ADGRB3: variants seen among roughly 807,000 people sequenced by gnomAD.
ADGRB3 encodes brain-specific angiogenesis inhibitor 3.
ADGRB3 carries 37 observed loss-of-function variants against 193.4 expected under a neutral mutation model. That is an observed-to-expected ratio of 0.19 (90% CI 0.15 to 0.25). The LOEUF (loss-of-function observed/expected upper bound fraction) is 0.25. ADGRB3 is among the 10% of genes least tolerant of loss of function. ADGRB3 has a pLI of 1.00. For synonymous variants in ADGRB3, 690 were observed against 644.2 expected (o/e 1.07, Z -1.08); for missense variants, 1,637 against 1,852.9 (o/e 0.88, Z 2.14).
chr6:69,242,660 G>T (rs947696225), intron 20 of ADGRB3, among the ~76,000 whole-genome samples: 5 of 151,900 alleles, frequency 3.3e-5, no homozygotes, highest in Non-Finnish European at 5.9e-5. Context: ...CAAATTTTTT[G>T]ACTGTATATT....
intron 17 of ADGRB3, among the ~76,000 whole-genome samples, chr6:69,086,607 A>T (rs565318914): frequency 2.0e-5 from 3 of 152,108 alleles, no homozygotes; most frequent in South Asian, 2.1e-4. Context: ...TTAGTGCCAA[A>T]TTTTTTTTGG....
intron 17 of ADGRB3, among the ~76,000 whole-genome samples, chr6:69,145,500 C>A (rs1254643834): frequency 6.6e-6 from 1 of 152,142 alleles, no homozygotes; most frequent in Non-Finnish European, 1.5e-5. Flanking sequence ...CTCTTCTCTC[C>A]TTTTCATTGC....
chr6:68,639,064 T>G lies in ADGRB3; in HGVS notation c.389T>G (p.Ile130Arg), dbSNP rs770693543. 6.2e-7 allele frequency: 1 copy of G among 1,613,940 alleles called. No homozygotes were observed. The highest frequency in any genetic ancestry group is 1.1e-5 in the South Asian group (1 of 91,054). ...FLQYDKNFIQ[I>R]RRVFPTNFPG... ...CAGTATGATAAAAATTTTATTCAAA[T>G]ACGTCGAGTATTTCCAACTAATTTC... Residue 130 changes from isoleucine to arginine, a missense_variant, in exon 3 of 32, where the codon ATA becomes AGA. Coordinates refer to ENST00000370598, the MANE Select transcript of ADGRB3 (RefSeq NM_001704.3).
chr6:69,191,236 T>G (rs1207213907), intron 17 of ADGRB3, among the ~76,000 whole-genome samples: 1 of 152,196 alleles, frequency 6.6e-6, no homozygotes, highest in Non-Finnish European at 1.5e-5. Flanking sequence ...TGGTTTTTTT[T>G]TCCATAACAG....
In ADGRB3 at chr6:68,993,865, T is replaced by G. The variant is rs1769309079; in HGVS notation, c.1832T>G (p.Phe611Cys). 1.2e-6 allele frequency: 2 copies of G among 1,613,870 alleles called. No individual in the cohort carries two copies. The highest frequency in any genetic ancestry group is 1.7e-6 in the Non-Finnish European group (2 of 1,179,904). The change falls in exon 11 of 32, where the codon TTC becomes TGC. Residue 611 changes from phenylalanine to cysteine, a missense_variant. Physicochemically the swap from Phe to Cys is radical, Grantham distance 205. Transcript: ENST00000370598. ...TTGGATTTAACTCAGAGAAAAAATT[T>G]CTATGCAGGCGATCTTCTGATGTCT... ...TLLDLTQRKN[F>C]YAGDLLMSVE...
intron 17 of ADGRB3, among the ~76,000 whole-genome samples, chr6:69,108,291 A>T (rs2150324511): frequency 6.6e-6 from 1 of 152,266 alleles, no homozygotes; most frequent in East Asian, 1.9e-4. Context: ...CTAAGTTTTC[A>T]GATCAACATG....
At chr6:69,091,273 G>A (rs183484185) in intron 17 of ADGRB3, among the ~76,000 whole-genome samples, 15 of 152,232 alleles carry the variant, frequency 9.9e-5, no homozygotes, top group Admixed American at 3.3e-4. Context: ...ATTTGACTCA[G>A]CAATTCTATT....
intron 17 of ADGRB3, among the ~76,000 whole-genome samples, chr6:69,097,696 ATG>A (rs140955477): frequency 4.4e-4 from 66 of 150,648 alleles, no homozygotes; most frequent in Non-Finnish European, 1.8e-4. Context: ...GTGTGTATAT[ATG>A]TGTGTGTGTG....
In ADGRB3 at chr6:68,880,255, T is replaced by C. The variant is rs553499494; in HGVS notation, c.758-50304T>C. 5.3e-4 allele frequency among the ~76,000 whole-genome samples: 80 copies of C among 152,308 alleles called. 1 individual carries two copies. The highest frequency in any genetic ancestry group is 1.7e-3 in the African/African-American group (72 of 41,564). ...ATCAGAATTACAGTCTGCCTCCATC[T>C]GCTAGTAATTCCTGCAGTTAAAGCC... On this transcript the variant is annotated intron_variant, in intron 3 of 31. Coordinates refer to ENST00000370598, the MANE Select transcript of ADGRB3 (RefSeq NM_001704.3).
chr6:69,207,245 A>T (rs1366856441), intron 17 of ADGRB3, among the ~76,000 whole-genome samples: 1 of 152,102 alleles, frequency 6.6e-6, no homozygotes, highest in Non-Finnish European at 1.5e-5. Flanking sequence ...GAAGCAAAAA[A>T]ATTTGCTAGT....
At chr6:69,155,793 T>G (rs78928761) in intron 17 of ADGRB3, among the ~76,000 whole-genome samples, 4,547 of 152,292 alleles carry the variant, frequency 0.03, 91 homozygotes, top group Middle Eastern at 0.058. Flanking sequence ...GATAGTAGTT[T>G]GACAAAATGG....
rs529622497 is a variant in ADGRB3 at position 69,149,130 on chromosome 6, C to T, written c.2480+73092C>T. 4.5e-4 allele frequency among the ~76,000 whole-genome samples: 68 copies of T among 152,210 alleles called. 1 individual carries two copies. The highest frequency in any genetic ancestry group is 7.9e-4 in the Non-Finnish European group (54 of 68,010). On this transcript the variant is annotated intron_variant, in intron 17 of 31. Transcript: ENST00000370598. ...ATTATCCTTTTGAATAAACTTTCTACACCATCTCTCTACTTCCCCTTTAAG... is the reference window on the plus strand; with the variant it reads ...ATTATCCTTTTGAATAAACTTTCTATACCATCTCTCTACTTCCCCTTTAAG...
intron 17 of ADGRB3, among the ~76,000 whole-genome samples, chr6:69,152,099 A>G (rs1055527282): frequency 6.6e-6 from 1 of 152,206 alleles, no homozygotes; most frequent in African/African-American, 2.4e-5. Context: ...TTTATAAATT[A>G]CCCAGTCTTA....
chr6:69,267,868 G>A lies in ADGRB3; in HGVS notation c.2814+28642G>A, dbSNP rs117254356. On this transcript the variant is annotated intron_variant, in intron 20 of 31. Coordinates refer to ENST00000370598, the MANE Select transcript of ADGRB3 (RefSeq NM_001704.3). ...GGGAAAAGCTGTCTACAGAGCAAAA[G>A]CATCAGATTTCCCTCCCGGTTTCCA... Among the ~76,000 whole-genome samples, 69 of 152,202 alleles carry A rather than the reference G, an allele frequency of 4.5e-4. 1 individual carries two copies. In the East Asian group the frequency reaches 0.01, roughly 23 times the overall value.
chr6:68,915,363 A>C (rs1766849152), intron 3 of ADGRB3, among the ~76,000 whole-genome samples: 1 of 152,230 alleles, frequency 6.6e-6, no homozygotes, highest in East Asian at 1.9e-4. Flanking sequence ...GGATGGGCTG[A>C]TATTAATAGA....
intron 12 of ADGRB3, among the ~76,000 whole-genome samples, chr6:69,017,610 C>A (rs1770132877): frequency 6.6e-6 from 1 of 151,848 alleles, no homozygotes; most frequent in African/African-American, 2.4e-5. Context: ...TTGAAAAAAT[C>A]ACTTGGACCA....
At chr6:68,996,496 T>G (rs1769387623) in intron 11 of ADGRB3, among the ~76,000 whole-genome samples, 1 of 152,210 alleles carries the variant, frequency 6.6e-6, no homozygotes, top group Admixed American at 6.5e-5. Flanking sequence ...CCTAGTACAC[T>G]CCACATATGT....
chr6:68,975,115 T>C (rs772486863), intron 9 of ADGRB3, 119 bp from the exon 10 acceptor site: 5 of 773,954 alleles, frequency 6.5e-6, no homozygotes, highest in East Asian at 2.7e-5. Context: ...ATCAATTTCA[T>C]GTGCATGTTT....
intron 3 of ADGRB3, among the ~76,000 whole-genome samples, chr6:68,761,683 T>G (rs937286351): frequency 1.3e-5 from 2 of 151,532 alleles, no homozygotes; most frequent in Non-Finnish European, 2.9e-5. Flanking sequence ...TTCTTTAGAT[T>G]CTGCTTTTTT....
Sources: gnomAD v4.1 joint callset for allele counts (sites outside exome capture counted in the v4.1 genomes callset) on GRCh38, gnomAD v4.1.1 for gene constraint, MANE v1.5 for transcripts, NCBI Gene and HGNC (gene_info 2026-07-23, HGNC 2026-07-21) for gene names.